The following DHRSX variants were observed in gnomAD, a reference collection of about 807,000 sequenced individuals.
DHRSX encodes the protein polyprenol dehydrogenase.
In DHRSX, 31 loss-of-function variants were observed where a neutral mutation model predicts 34.0. The observed-to-expected ratio is 0.91, with a 90% CI of 0.69 to 1.23. The LOEUF (loss-of-function observed/expected upper bound fraction) is 1.23. Ranked by LOEUF, DHRSX falls within the 50% of genes most tolerant of loss-of-function variation. The pLI, the probability that DHRSX is intolerant of heterozygous loss-of-function variation, is 0.00. For synonymous variants in DHRSX, 201 were observed against 183.8 expected, an observed-to-expected ratio of 1.09 and a Z score of -0.76; for missense variants, 414 against 428.1, an observed-to-expected ratio of 0.97 and a Z score of 0.29.
At chrX:2,314,829 G>A (rs1466246265) in intron 3 of DHRSX, among the ~76,000 whole-genome samples, 3 of 151,994 alleles carry the variant, frequency 2.0e-5, no homozygotes, top group Non-Finnish European at 4.4e-5. Context: ...AAATTTACCC[G>A]ACTTGAAACA....
intron 3 of DHRSX, among the ~76,000 whole-genome samples, chrX:2,311,942 G>A (rs908869047): frequency 2.6e-5 from 4 of 152,150 alleles, no homozygotes; most frequent in African/African-American, 7.2e-5. Context: ...TTCCTAAGAA[G>A]CTGTTTCCCA....
chrX:2,326,069 T>TAGAGATCACA (rs1205513268), intron 3 of DHRSX, among the ~76,000 whole-genome samples: 1 of 151,992 alleles, frequency 6.6e-6, no homozygotes, highest in African/African-American at 2.4e-5. Context: ...CATCAGAAAA[T>TAGAGATCACA]AGAGATCACA....
chrX:2,256,152 G>A (rs1276493507), intron 5 of DHRSX, among the ~76,000 whole-genome samples: 2 of 150,574 alleles, frequency 1.3e-5, no homozygotes, highest in Non-Finnish European at 2.9e-5. Context: ...ATGCCACCAT[G>A]CCTGGCTAAT....
chrX:2,236,540 TC>T (rs1273097337), intron 6 of DHRSX, among the ~76,000 whole-genome samples: 2 of 152,150 alleles, frequency 1.3e-5, no homozygotes, highest in African/African-American at 4.8e-5. Flanking sequence ...CAAGCGATTC[TC>T]CTGCCTCAGC....
chrX:2,493,100 C>T (rs1407993101), intron 1 of DHRSX, among the ~76,000 whole-genome samples: 3 of 152,198 alleles, frequency 2.0e-5, no homozygotes, highest in African/African-American at 7.2e-5. Flanking sequence ...GAGGGGGGTC[C>T]TGTGGCCAAT....
intron 3 of DHRSX, among the ~76,000 whole-genome samples, chrX:2,383,986 C>T (rs1002364846): frequency 6.6e-6 from 1 of 152,198 alleles, no homozygotes; most frequent in African/African-American, 2.4e-5. Flanking sequence ...TGTGACTCAG[C>T]AGGATCTCTC....
intron 4 of DHRSX, among the ~76,000 whole-genome samples, chrX:2,267,245 G>A (rs2041487382): frequency 6.6e-6 from 1 of 152,180 alleles, no homozygotes. Context: ...ACTTTGGGAG[G>A]CTGAGGCGGG....
At chrX:2,445,615 G>T (rs1409521759) in intron 1 of DHRSX, among the ~76,000 whole-genome samples, 1 of 150,104 alleles carries the variant, frequency 6.7e-6, no homozygotes, top group Non-Finnish European at 1.5e-5. Context: ...CTGTACACAA[G>T]GAAGAGGTTC....
chrX:2,489,320 A>G (rs1293332016), intron 1 of DHRSX: 4 of 1,613,446 alleles, frequency 2.5e-6, no homozygotes, highest in Non-Finnish European at 3.4e-6. Flanking sequence ...GTTGAGAAAC[A>G]TGTCGATCTC....
At chrX:2,380,188 G>A (rs1203590635) in intron 3 of DHRSX, among the ~76,000 whole-genome samples, 6 of 151,564 alleles carry the variant, frequency 4.0e-5, no homozygotes, top group Non-Finnish European at 7.4e-5. Flanking sequence ...CCAGCTACTC[G>A]GGAGGCTGAG....
intron 3 of DHRSX, among the ~76,000 whole-genome samples, chrX:2,305,160 C>T (rs146508573): frequency 0.021 from 3,194 of 151,488 alleles, 106 homozygotes; most frequent in African/African-American, 0.07. Flanking sequence ...ACAATGAGAA[C>T]ACATGGATAC....
At chrX:2,444,486 G>A (rs762025698) in intron 1 of DHRSX, among the ~76,000 whole-genome samples, 51 of 152,220 alleles carry the variant, frequency 3.4e-4, no homozygotes, top group African/African-American at 1.2e-3. Flanking sequence ...GGCGGCAGAC[G>A]GGACAGTGTC....
chrX:2,306,213 CTT>C (rs751657625), intron 3 of DHRSX, among the ~76,000 whole-genome samples: 2 of 146,762 alleles, frequency 1.4e-5, no homozygotes, highest in Non-Finnish European at 3.0e-5. Flanking sequence ...CAATCAGCAT[CTT>C]TTTTTTTTTG....
chrX:2,310,832 G>A (rs1056135978), intron 3 of DHRSX, among the ~76,000 whole-genome samples: 19 of 151,916 alleles, frequency 1.3e-4, no homozygotes, highest in African/African-American at 4.6e-4. Flanking sequence ...AGGCCGAGGC[G>A]GGTGGATCGC....
At chrX:2,314,296 G>GGC (rs2042204228) in intron 3 of DHRSX, among the ~76,000 whole-genome samples, 13 of 4,766 alleles carry the variant, frequency 2.7e-3, no homozygotes, top group Non-Finnish European at 5.7e-3. Flanking sequence ...AGGAGGGAAT[G>GGC]AGGGAGGGAA....
chrX:2,344,220 T>A (rs2042673840), intron 3 of DHRSX, among the ~76,000 whole-genome samples: 1 of 152,138 alleles, frequency 6.6e-6, no homozygotes, highest in South Asian at 2.1e-4. Context: ...AGATTAAACA[T>A]TTTATTACAT....
chrX:2,375,667 T>A (rs1323213316), intron 3 of DHRSX, among the ~76,000 whole-genome samples: 1 of 136,506 alleles, frequency 7.3e-6, no homozygotes. Flanking sequence ...AGAGTCTCAC[T>A]CTGTCGCCAA....
chrX:2,221,707 A>G, intron 6 of DHRSX, among the ~76,000 whole-genome samples: 1 of 152,320 alleles, frequency 6.6e-6, no homozygotes, highest in South Asian at 2.1e-4. Flanking sequence ...ATGAGCTGTG[A>G]TCGTATGTTT....
intron 3 of DHRSX, among the ~76,000 whole-genome samples, chrX:2,387,355 T>C (rs2043283933): frequency 6.6e-6 from 1 of 152,068 alleles, no homozygotes; most frequent in South Asian, 2.1e-4. Context: ...AGGATAGATA[T>C]ATAGAAAGGG....
Sources: allele counts gnomAD v4.1 joint callset (sites outside exome capture counted in the v4.1 genomes callset), GRCh38; gene constraint gnomAD v4.1.1; transcripts MANE v1.5; gene names NCBI Gene and HGNC (gene_info 2026-07-23, HGNC 2026-07-21).